CRYBG1: variants seen among roughly 807,000 people sequenced by gnomAD.
The protein encoded by CRYBG1 is crystallin beta-gamma domain containing 1.
CRYBG1 carries 139 observed loss-of-function variants against 189.2 expected under a neutral mutation model. That is an observed-to-expected ratio of 0.73 (90% CI 0.64 to 0.85). The LOEUF is 0.85. Ranked by LOEUF, CRYBG1 falls within the 40% of genes least tolerant of loss-of-function variation. The pLI, the probability that CRYBG1 is intolerant of heterozygous loss-of-function variation, is 0.00. For missense variants in CRYBG1, 2,611 were observed against 2,675.8 expected (o/e 0.98, Z 0.53); for synonymous variants, 1,023 against 1,017.1 (o/e 1.01, Z -0.11).
At position 106,520,679 on chromosome 6, in the gene CRYBG1, TA is replaced by T; in HGVS notation, c.3472del (p.Thr1158ProfsTer20). On this transcript the variant is annotated frameshift_variant, in exon 4 of 22. Coordinates refer to ENST00000633556, the MANE Select transcript of CRYBG1 (RefSeq NM_001371242.2). LOFTEE classifies it high-confidence loss of function. ...LEKVFDPKVF[T>X]FGLGKKKESQ... Reference sequence around the variant, plus strand: ...AAAAGGTGTTTGATCCCAAAGTGTTTACCTTTGGTTTGGGGAAGAAGAAGGA... The same window carrying T: ...AAAAGGTGTTTGATCCCAAAGTGTTTCCTTTGGTTTGGGGAAGAAGAAGGA... 6.2e-7 allele frequency: 1 copy of T among 1,614,192 alleles called. No individual in the cohort carries two copies. The highest frequency in any genetic ancestry group is 8.5e-7 in the Non-Finnish European group (1 of 1,180,038).
intron 1 of CRYBG1, among the ~76,000 whole-genome samples, chr6:106,397,773 T>A (rs1297376619): frequency 1.3e-5 from 2 of 152,214 alleles, no homozygotes; most frequent in Non-Finnish European, 2.9e-5. Context: ...AGGATTAACA[T>A]AGAGATATGT....
intron 1 of CRYBG1, among the ~76,000 whole-genome samples, chr6:106,435,715 G>A (rs548970918): frequency 1.3e-5 from 2 of 152,054 alleles, no homozygotes; most frequent in South Asian, 4.2e-4. Context: ...TGATTCTCCC[G>A]CCTCAGTCTG....
intron 2 of CRYBG1, among the ~76,000 whole-genome samples, chr6:106,468,012 C>T (rs1772148330): frequency 6.6e-6 from 1 of 151,878 alleles, no homozygotes; most frequent in Non-Finnish European, 1.5e-5. Context: ...TACAGAATCA[C>T]ACATAACTGG....
chr6:106,452,896 G>A (rs2114440062), intron 2 of CRYBG1, among the ~76,000 whole-genome samples: 1 of 152,270 alleles, frequency 6.6e-6, no homozygotes, highest in South Asian at 2.1e-4. Context: ...AGGCCTGAAG[G>A]TTGTATAATA....
chr6:106,462,492 G>A (rs78432476), intron 2 of CRYBG1, among the ~76,000 whole-genome samples: 7,390 of 152,292 alleles, frequency 0.049, 243 homozygotes, highest in Non-Finnish European at 0.073. Flanking sequence ...TTTGCAGCTG[G>A]TTAGAGTTTA....
chr6:106,360,895 A>T lies in CRYBG1; in HGVS notation c.-14A>T. The T allele has an allele frequency of 6.6e-7, 1 of 1,524,122 alleles. No individual in the cohort carries two copies. Among genetic ancestry groups the T allele is most frequent in the Non-Finnish European group, 8.8e-7 (1 of 1,140,754 alleles). The allele number at this position is 1,524,122 out of a possible 1,614,324, so 94.4% of individuals were successfully genotyped here. A position where few individuals can be genotyped will look rare whatever the true frequency, so the allele number is the denominator to read the frequency against. On this transcript the variant is annotated 5_prime_UTR_variant, in exon 1 of 22. Coordinates refer to ENST00000633556, the MANE Select transcript of CRYBG1 (RefSeq NM_001371242.2). Reference sequence around the variant, plus strand: ...ACCGCGTCCCGGCAGTCGGAGCGGGAGGAGGACAAGACGATGCCGCTGTCC... The same window carrying T: ...ACCGCGTCCCGGCAGTCGGAGCGGGTGGAGGACAAGACGATGCCGCTGTCC...
Position 106,488,375 on chromosome 6 carries a change from T to C in CRYBG1, c.313-23055T>C, listed in dbSNP as rs564136569. Among the ~76,000 whole-genome samples the C allele has an allele frequency of 2.8e-3, 433 of 152,316 alleles. 7 individuals carry two copies. The highest frequency in any genetic ancestry group is 9.8e-3 in the African/African-American group (407 of 41,570). ...GGGAAGACATAAATGGCCTGGTTGC[T>C]GCACAAGATCCCTTCCTGTGGTGCA... On this transcript the variant is annotated intron_variant, in intron 2 of 21. Transcript: ENST00000633556.
chr6:106,404,809 A>G (rs1269697597), intron 1 of CRYBG1, among the ~76,000 whole-genome samples: 1 of 152,108 alleles, frequency 6.6e-6, no homozygotes, highest in African/African-American at 2.4e-5. Flanking sequence ...ACCCAAGGGA[A>G]GCTGTGAGGG....
chr6:106,519,021 G>A (rs988436245), intron 3 of CRYBG1, 110 bp from the exon 4 acceptor site: 10 of 1,054,666 alleles, frequency 9.5e-6, no homozygotes, highest in Non-Finnish European at 1.3e-5. Flanking sequence ...CACTCCAAAT[G>A]TTATATATCA....
intron 3 of CRYBG1, 81 bp downstream of exon 3, chr6:106,513,120 C>A: frequency 6.8e-7 from 1 of 1,465,102 alleles, no homozygotes; most frequent in Non-Finnish European, 9.1e-7. Context: ...GGGGTATCTG[C>A]ATTGTGGAAG....
chr6:106,426,198 T>C (rs920743995), intron 1 of CRYBG1, among the ~76,000 whole-genome samples: 5 of 152,204 alleles, frequency 3.3e-5, no homozygotes, highest in African/African-American at 1.2e-4. Context: ...GTTATGGATG[T>C]CCATCTTCAT....
At chr6:106,366,112 A>C (rs1298867900) in intron 1 of CRYBG1, among the ~76,000 whole-genome samples, 1 of 152,224 alleles carries the variant, frequency 6.6e-6, no homozygotes, top group Non-Finnish European at 1.5e-5. Context: ...ATTTGAAAGC[A>C]TTCTGGAACT....
intron 2 of CRYBG1, among the ~76,000 whole-genome samples, chr6:106,460,270 C>T (rs376583822): frequency 6.6e-6 from 1 of 152,138 alleles, no homozygotes; most frequent in East Asian, 1.9e-4. Flanking sequence ...GGATTACAGG[C>T]GTGAGCCACC....
At chr6:106,426,267 T>C (rs1386112256) in intron 1 of CRYBG1, among the ~76,000 whole-genome samples, 1 of 152,138 alleles carries the variant, frequency 6.6e-6, no homozygotes, top group Non-Finnish European at 1.5e-5. Flanking sequence ...CTACTCAAAG[T>C]TCCCTCCTTC....
intron 3 of CRYBG1, among the ~76,000 whole-genome samples, chr6:106,514,127 G>A (rs1451407826): frequency 6.6e-6 from 1 of 152,184 alleles, no homozygotes; most frequent in African/African-American, 2.4e-5. Context: ...GGTGCTTTGG[G>A]GGAGCTGGGC....
chr6:106,563,329 CT>C (rs1774779987), intron 20 of CRYBG1, among the ~76,000 whole-genome samples: 1 of 152,070 alleles, frequency 6.6e-6, no homozygotes, highest in Non-Finnish European at 1.5e-5. Context: ...ATAAAATGCC[CT>C]TTAGCCACCC....
At chr6:106,538,980 G>A (rs1289373867) in intron 8 of CRYBG1, among the ~76,000 whole-genome samples, 7 of 152,044 alleles carry the variant, frequency 4.6e-5, no homozygotes, top group African/African-American at 1.7e-4. Flanking sequence ...GTGGCCTTGG[G>A]CAACTTACTT....
chr6:106,497,283 G>C (rs73515141), intron 2 of CRYBG1, among the ~76,000 whole-genome samples: 2 of 152,092 alleles, frequency 1.3e-5, no homozygotes, highest in African/African-American at 4.8e-5. Context: ...AAAGACATTC[G>C]ATGTTGCATG....
intron 8 of CRYBG1, among the ~76,000 whole-genome samples, chr6:106,533,530 C>A (rs1464617587): frequency 2.0e-5 from 3 of 152,138 alleles, no homozygotes; most frequent in African/African-American, 7.2e-5. Context: ...CAAGAAACCA[C>A]GTAGGATGCA....
Sources: gnomAD v4.1 joint callset for allele counts (sites outside exome capture counted in the v4.1 genomes callset) on GRCh38, gnomAD v4.1.1 for gene constraint, MANE v1.5 for transcripts, NCBI Gene and HGNC (gene_info 2026-07-23, HGNC 2026-07-21) for gene names.